Variants in AFF2 observed in about 807,000 individuals in gnomAD.
AFF2 encodes the protein ALF transcription elongation factor 2.
Under a neutral mutation model 76.9 loss-of-function variants are expected in AFF2, and 14 were observed. The ratio of observed to expected loss-of-function variants is 0.18; its 90% confidence interval spans 0.12 to 0.28. AFF2 has a LOEUF of 0.28. Among genes scored for constraint, AFF2 ranks in the 10% least tolerant of loss-of-function variants. AFF2 has a pLI of 1.00. For synonymous variants in AFF2, 398 were observed against 366.7 expected, an observed-to-expected ratio of 1.09 and a Z score of -0.98; for missense variants, 868 against 1,001.1, an observed-to-expected ratio of 0.87 and a Z score of 1.79.
intron 3 of AFF2, among the ~76,000 whole-genome samples, chrX:148,779,376 G>C: frequency 8.9e-6 from 1 of 111,764 alleles, no homozygotes. Context: ...GTCCAGAGTT[G>C]AGTTTAAGTC....
intron 1 of AFF2, among the ~76,000 whole-genome samples, chrX:148,603,455 G>GT (rs35646834): frequency 8.3e-4 from 86 of 103,028 alleles, no homozygotes; most frequent in African/African-American, 2.4e-3. Flanking sequence ...TCATTAGGTG[G>GT]TTTTTTTTTT....
chrX:148,658,562 G>A (rs181286298), intron 2 of AFF2, among the ~76,000 whole-genome samples: 1 of 111,953 alleles, frequency 8.9e-6, no homozygotes, highest in Admixed American at 9.4e-5. Flanking sequence ...GCCACATGAA[G>A]ACATATTTGC....
intron 9 of AFF2, among the ~76,000 whole-genome samples, chrX:148,931,967 G>A (rs1295732684): frequency 6.3e-5 from 7 of 111,900 alleles, no homozygotes; most frequent in African/African-American, 2.3e-4. Context: ...GTCATCCTCA[G>A]TATGGCAGAT....
intron 3 of AFF2, among the ~76,000 whole-genome samples, chrX:148,781,592 G>T (rs1429148458): frequency 8.9e-6 from 1 of 111,840 alleles, no homozygotes; most frequent in Non-Finnish European, 1.9e-5. Context: ...TGCTGTGCTG[G>T]GGCAGTGAGA....
intron 9 of AFF2, among the ~76,000 whole-genome samples, chrX:148,939,934 C>G (rs1318094973): frequency 3.6e-5 from 4 of 112,153 alleles, no homozygotes; most frequent in Non-Finnish European, 5.6e-5. Flanking sequence ...AATTTAGGCA[C>G]AGTTACCTGA....
chrX:148,621,061 C>T (rs782110278), intron 1 of AFF2, among the ~76,000 whole-genome samples: 5 of 111,394 alleles, frequency 4.5e-5, no homozygotes, highest in East Asian at 5.7e-4. Flanking sequence ...TTGGAAGAGA[C>T]GATTCCAGGG....
Position 148,916,196 on chromosome X carries a change from C to CTT in AFF2, c.1397+11968_1397+11969dup, listed in dbSNP as rs782508166. Among the ~76,000 whole-genome samples, 103 of 34,039 alleles carry CTT rather than the reference C, an allele frequency of 3.0e-3. 11 individuals carry two copies. The highest frequency in any genetic ancestry group is 0.01 in the African/African-American group (81 of 8,056). The allele number at this position is 34,039 out of a possible 115,157, so 29.6% of individuals were successfully genotyped here. A position where few individuals can be genotyped will look rare whatever the true frequency, so the allele number is the denominator to read the frequency against. ...AATAGACTTTTGAATGTGGTTTTAA[C>CTT]TTTTTTTTTTTTTTTTTTTTTTTTT... On this transcript the variant is annotated intron_variant, in intron 9 of 20. Coordinates refer to ENST00000370460, the MANE Select transcript of AFF2 (RefSeq NM_002025.4).
At chrX:148,748,057 T>G (rs2055445129) in intron 3 of AFF2, among the ~76,000 whole-genome samples, 1 of 112,072 alleles carries the variant, frequency 8.9e-6, no homozygotes, top group Non-Finnish European at 1.9e-5. Flanking sequence ...GAAGACTGAT[T>G]AAAGAAAATA....
At chrX:148,890,028 A>G (rs907236274) in intron 8 of AFF2, among the ~76,000 whole-genome samples, 10 of 111,590 alleles carry the variant, frequency 9.0e-5, no homozygotes, top group Non-Finnish European at 3.8e-5. Flanking sequence ...TGCTACATAT[A>G]TTTACTTTCC....
intron 1 of AFF2, among the ~76,000 whole-genome samples, chrX:148,539,347 G>A (rs983078317): frequency 2.7e-5 from 3 of 111,365 alleles, no homozygotes; most frequent in Admixed American, 1.9e-4. Context: ...GACTTGAATT[G>A]TGATTGGAAG....
rs1557257933 is a variant in AFF2, at chrX:148,662,465, G to A, written c.738G>A (p.Val246=). The A allele has an allele frequency of 8.3e-7, 1 of 1,210,297 alleles. No homozygotes were observed. The highest frequency in any genetic ancestry group is 1.7e-5 in the African/African-American group (1 of 57,227). ...CACCGGAAGAATCTGAATTCGCCGT[G>A]CAAGCGCCTGGGTCTCCCCTAGTGG... The part of the protein sequence containing the change: ...SNSPEESEFA[V]QAPGSPLVAS... The change falls in exon 3 of 21, where the codon GTG becomes GTA. Residue 246 remains valine (V), a synonymous_variant. Transcript: ENST00000370460.
At chrX:148,835,244 C>G (rs1156393275) in intron 4 of AFF2, among the ~76,000 whole-genome samples, 1 of 111,444 alleles carries the variant, frequency 9.0e-6, no homozygotes, top group African/African-American at 3.3e-5. Context: ...AGCCTCTAAT[C>G]AATTTAGGCA....
intron 1 of AFF2, among the ~76,000 whole-genome samples, chrX:148,541,148 A>T (rs2052849665): frequency 8.9e-6 from 1 of 112,156 alleles, no homozygotes; most frequent in Non-Finnish European, 1.9e-5. Flanking sequence ...AATGAAGGAA[A>T]TAAAAAGGCA....
chrX:148,815,043 T>C lies in AFF2; in HGVS notation c.1086+5123T>C, dbSNP rs185020355. 5.0e-3 allele frequency among the ~76,000 whole-genome samples: 562 copies of C among 111,972 alleles called. 3 individuals are homozygous for C. Among genetic ancestry groups the C allele is most frequent in the African/African-American group, 0.017 (522 of 30,923 alleles). ...GTTCAACTTGGATTCATGCAAACGATTTTCTATATAGCTGTCTTAAATAGG... is the reference window on the plus strand; with the variant it reads ...GTTCAACTTGGATTCATGCAAACGACTTTCTATATAGCTGTCTTAAATAGG... On this transcript the variant is annotated intron_variant, in intron 4 of 20. Transcript: ENST00000370460.
Position 148,716,660 on chromosome X carries a change from G to C in AFF2, c.1041+53892G>C, listed in dbSNP as rs782529904. On this transcript the variant is annotated intron_variant, in intron 3 of 20. Transcript: ENST00000370460. ...AGGTGTTGAAACTGCATATCAGAGG[G>C]GATTTCTAAATGCAGGGAGCCCCTC... is the stretch of plus-strand genomic sequence containing the variant. Among the ~76,000 whole-genome samples the C allele has an allele frequency of 1.6e-4, 18 of 111,311 alleles. No individual in the cohort carries two copies. In the East Asian group the frequency reaches 4.8e-3, roughly 30 times the overall value.
At chrX:148,586,596 T>C (rs2053472089) in intron 1 of AFF2, among the ~76,000 whole-genome samples, 2 of 112,175 alleles carry the variant, frequency 1.8e-5, no homozygotes, top group African/African-American at 6.5e-5. Context: ...TCAGTGTAGT[T>C]TAAATATTTG....
chrX:148,765,151 G>T (rs782070083), intron 3 of AFF2, among the ~76,000 whole-genome samples: 23 of 112,192 alleles, frequency 2.1e-4, no homozygotes, highest in Admixed American at 3.8e-4. Flanking sequence ...CTCCCAAAGT[G>T]CTGGGATTAC....
At chrX:148,544,735 A>G (rs961940959) in intron 1 of AFF2, among the ~76,000 whole-genome samples, 3 of 112,017 alleles carry the variant, frequency 2.7e-5, no homozygotes, top group East Asian at 2.8e-4. Context: ...GCCTCTTATG[A>G]GTCCACTGAG....
At position 148,555,060 on chromosome X, in the gene AFF2, C is replaced by T. The variant is rs967672289; in HGVS notation, c.47+53916C>T. Among the ~76,000 whole-genome samples, 3 of 112,227 alleles carry T rather than the reference C, an allele frequency of 2.7e-5. No individual in the cohort carries two copies. In the Admixed American group the frequency reaches 2.8e-4, roughly 11 times the overall value. Reference sequence around the variant, plus strand: ...GGGCAAGTCACTTAACTCCTCTGGGCCTGTTGCCCAACCTGCAAAACGAAT... The same window carrying T: ...GGGCAAGTCACTTAACTCCTCTGGGTCTGTTGCCCAACCTGCAAAACGAAT... On this transcript the variant is annotated intron_variant, in intron 1 of 20. Coordinates refer to ENST00000370460, the MANE Select transcript of AFF2 (RefSeq NM_002025.4).
Sources: allele counts gnomAD v4.1 joint callset (sites outside exome capture counted in the v4.1 genomes callset), GRCh38; gene constraint gnomAD v4.1.1; transcripts MANE v1.5; gene names NCBI Gene and HGNC (gene_info 2026-07-23, HGNC 2026-07-21).